ADORA2B: variants seen among roughly 807,000 people sequenced by gnomAD.
The protein encoded by ADORA2B is adenosine receptor A2b.
In ADORA2B, 18 loss-of-function variants were observed where a neutral mutation model predicts 20.8. The ratio of observed to expected loss-of-function variants is 0.87; its 90% CI spans 0.60 to 1.29. ADORA2B has a LOEUF of 1.29. Among genes scored for constraint, ADORA2B ranks in the 50% most tolerant of loss-of-function variants. The pLI is 0.00. For synonymous variants in ADORA2B, 179 were observed against 178.3 expected (o/e 1.00, Z -0.03); for missense variants, 441 against 422.7 (o/e 1.04, Z -0.38).
chr17:15,975,042 C>T lies in ADORA2B; in HGVS notation c.699C>T (p.Ala233=). Residue 233 remains alanine, a synonymous_variant, in exon 2 of 2, where the codon GCC becomes GCT. Coordinates refer to ENST00000304222, the MANE Select transcript of ADORA2B (RefSeq NM_000676.4). ...CCCTCCAGCGGGAGATCCATGCAGC[C>T]AAGTCACTGGCCATGATTGTGGGGA... The part of the protein sequence containing the change: ...RTTLQREIHA[A]KSLAMIVGIF... The T allele has an allele frequency of 6.2e-7, 1 of 1,614,154 alleles. No homozygotes were observed. The highest frequency in any genetic ancestry group is 8.5e-7 in the Non-Finnish European group (1 of 1,180,038).
At chr17:15,851,449 C>T in the ADORA2B span, among the ~76,000 whole-genome samples, 236 of 151,730 alleles carry the variant, frequency 1.6e-3, no homozygotes, top group African/African-American at 5.5e-3. Context: ...AGGTGCAGTC[C>T]ATGCCAGCAC....
At chr17:15,969,327 G>A (rs1044190959) in intron 1 of ADORA2B, among the ~76,000 whole-genome samples, 26 of 152,092 alleles carry the variant, frequency 1.7e-4, no homozygotes, top group African/African-American at 5.6e-4. Context: ...GGTGGTGGGC[G>A]CCTGTAGTCC....
chr17:15,866,718 T>TGCCTCTGCCGCTGCCGCTGCCGCTGCCG, the ADORA2B span, among the ~76,000 whole-genome samples: 5 of 127,404 alleles, frequency 3.9e-5, no homozygotes, highest in African/African-American at 1.5e-4. Flanking sequence ...TGCCGCTGCC[T>TGCCTCTGCCGCTGCCGCTGCCGCTGCCG]CTGCCGCTGC....
chr17:15,900,819 G>A, the ADORA2B span, among the ~76,000 whole-genome samples: 8 of 152,132 alleles, frequency 5.3e-5, no homozygotes, highest in African/African-American at 1.4e-4. Context: ...GTTCTGCAGC[G>A]TTTCCCAGAT....
the ADORA2B span, among the ~76,000 whole-genome samples, chr17:15,874,066 G>GTATATATATATA: frequency 1.6e-4 from 23 of 139,712 alleles, no homozygotes; most frequent in African/African-American, 7.0e-4. Flanking sequence ...ATATGTGTGT[G>GTATATATATATA]TGTATATATA....
chr17:15,881,676 C>T, the ADORA2B span, among the ~76,000 whole-genome samples: 1 of 152,226 alleles, frequency 6.6e-6, no homozygotes, highest in Non-Finnish European at 1.5e-5. Context: ...GGACTCACAC[C>T]GCATGTGCCC....
chr17:15,970,172 A>G (rs764634070), intron 1 of ADORA2B, among the ~76,000 whole-genome samples: 2 of 152,254 alleles, frequency 1.3e-5, no homozygotes, highest in Non-Finnish European at 2.9e-5. Flanking sequence ...ATGTTCCACA[A>G]GGGCAGTGAT....
In ADORA2B at chr17:15,974,957, T is replaced by G; in HGVS notation, c.614T>G (p.Ile205Ser). The G allele has an allele frequency of 6.2e-7, 1 of 1,614,182 alleles. No individual in the cohort carries two copies. Among genetic ancestry groups the G allele is most frequent in the African/African-American group, 1.3e-5 (1 of 75,050 alleles). ...LLIMLVIYIK[I>S]FLVACRQLQR... ...ATAATGCTGGTGATCTACATTAAGA[T>G]CTTCCTGGTGGCCTGCAGGCAGCTT... Residue 205 changes from isoleucine to serine, a missense_variant, in exon 2 of 2, where the codon ATC becomes AGC. Ile to Ser is a moderately radical substitution (Grantham distance 142). Coordinates refer to ENST00000304222, the MANE Select transcript of ADORA2B (RefSeq NM_000676.4).
intron 1 of ADORA2B, among the ~76,000 whole-genome samples, chr17:15,949,284 G>A (rs1168772480): frequency 3.9e-5 from 6 of 151,958 alleles, no homozygotes; most frequent in Non-Finnish European, 5.9e-5. Context: ...AGGCCAAGGC[G>A]AATAGATCAG....
chr17:15,888,815 CATATATAT>C, the ADORA2B span, among the ~76,000 whole-genome samples: 159 of 15,728 alleles, frequency 0.01, 4 homozygotes, highest in Middle Eastern at 0.05. Context: ...TATGTGATGC[CATATATAT>C]ATATATATAT....
At chr17:15,954,766 CA>C (rs1255596796) in intron 1 of ADORA2B, among the ~76,000 whole-genome samples, 2 of 151,910 alleles carry the variant, frequency 1.3e-5, no homozygotes, top group African/African-American at 2.4e-5. Context: ...GACCCTGTCT[CA>C]AAAAAAATTT....
the ADORA2B span, among the ~76,000 whole-genome samples, chr17:15,859,563 T>G: frequency 0.011 from 1,604 of 151,992 alleles, 36 homozygotes; most frequent in African/African-American, 0.036. Flanking sequence ...AACAAGGCAC[T>G]TAGTTCTCTC....
At chr17:15,867,686 C>G in the ADORA2B span, among the ~76,000 whole-genome samples, 2 of 148,666 alleles carry the variant, frequency 1.3e-5, no homozygotes, top group Admixed American at 1.3e-4. Flanking sequence ...GTCAGCCCCC[C>G]GCCCGGCCAG....
chr17:15,958,339 C>G (rs994476627), intron 1 of ADORA2B, among the ~76,000 whole-genome samples: 1 of 152,168 alleles, frequency 6.6e-6, no homozygotes, highest in Admixed American at 6.5e-5. Context: ...CTTAAACTCT[C>G]CCTCCATTCA....
At chr17:15,862,485 G>C in the ADORA2B span, among the ~76,000 whole-genome samples, 1 of 152,208 alleles carries the variant, frequency 6.6e-6, no homozygotes, top group African/African-American at 2.4e-5. Flanking sequence ...CGCTGGGATT[G>C]CAGGTGTGAG....
At chr17:15,908,628 C>A in the ADORA2B span, 1 of 183,712 alleles carries the variant, frequency 5.4e-6, no homozygotes, top group Non-Finnish European at 1.2e-5. Context: ...TACTTTCGGA[C>A]GTAACCCATG....
At chr17:15,958,807 C>G (rs1220694138) in intron 1 of ADORA2B, among the ~76,000 whole-genome samples, 1 of 152,190 alleles carries the variant, frequency 6.6e-6, no homozygotes, top group East Asian at 1.9e-4. Context: ...TTTTGCAGCT[C>G]TCTGCATACT....
the ADORA2B span, among the ~76,000 whole-genome samples, chr17:15,874,056 A>T: frequency 1.2e-5 from 1 of 82,356 alleles, no homozygotes; most frequent in Non-Finnish European, 2.7e-5. Context: ...ATATATATAT[A>T]TATGTGTGTG....
chr17:15,915,072 C>A, the ADORA2B span, among the ~76,000 whole-genome samples: 1 of 152,328 alleles, frequency 6.6e-6, no homozygotes, highest in South Asian at 2.1e-4. Context: ...TGCAGCATAG[C>A]CTCACTGTGT....
Sources: allele counts gnomAD v4.1 joint callset (sites outside exome capture counted in the v4.1 genomes callset), GRCh38; gene constraint gnomAD v4.1.1; transcripts MANE v1.5; gene names NCBI Gene and HGNC (gene_info 2026-07-23, HGNC 2026-07-21).